Variants in HMG20B observed in about 807,000 individuals in gnomAD.
The protein encoded by HMG20B is high mobility group 20B.
A neutral mutation model predicts 41.6 loss-of-function variants in HMG20B; 24 were observed. The observed-to-expected ratio is 0.58, with a 90% confidence interval of 0.42 to 0.81. HMG20B has a LOEUF of 0.81. HMG20B is among the 30% of genes least tolerant of loss of function. HMG20B has a pLI of 0.00. For missense variants in HMG20B, 461 were observed against 444.0 expected (o/e 1.04, Z -0.34); for synonymous variants, 251 against 186.6 (o/e 1.34, Z -2.81).
Position 3,573,741 on chromosome 19 carries a change from G to T in HMG20B, c.88G>T (p.Val30Phe). The T allele has an allele frequency of 6.5e-7, 1 of 1,545,826 alleles. No homozygotes were observed. The highest frequency in any genetic ancestry group is 8.7e-7 in the Non-Finnish European group (1 of 1,150,402). Residue 30 changes from valine to phenylalanine, a missense_variant, in exon 3 of 10, where the codon GTC (valine) becomes TTC (phenylalanine). Transcript: ENST00000333651. ...CCAGCATGGGGGCTTCGTGGTGACT[G>T]TCAAGCAAGAGCGCGGCGAGGGTCC... is the stretch of plus-strand genomic sequence containing the variant. ...PGQHGGFVVT[V>F]KQERGEGPRA...
At chr19:3,574,362 C>A in intron 3 of HMG20B, 21 bp from the exon 4 acceptor site, 2 of 1,542,814 alleles carry the variant, frequency 1.3e-6, no homozygotes, top group South Asian at 1.2e-5. Flanking sequence ...CCCCTCCCAA[C>A]GACGCAGCCC....
rs893041453 is a variant in HMG20B at position 3,573,840 on chromosome 19, C to T, written c.147+40C>T. The T allele has an allele frequency of 3.9e-6, 6 of 1,527,388 alleles. No homozygotes were observed. In the Admixed American group the frequency reaches 5.5e-5, roughly 14 times the overall value. 94.6% of individuals were successfully genotyped at this position (1,527,388 alleles called of 1,614,324 possible). On this transcript the variant is annotated intron_variant, in intron 3 of 9. Coordinates refer to ENST00000333651, the MANE Select transcript of HMG20B (RefSeq NM_006339.3). ...GCTGAGCTGGGGGAGGCCCCGGGCT[C>T]CCGCCCCAGCCTCGAAGCCCCGCCC...
Position 3,573,338 on chromosome 19 carries a change from C to G in HMG20B, c.29C>G (p.Ala10Gly), listed in dbSNP as rs775718629. 1 of 1,536,146 alleles carries G rather than the reference C, an allele frequency of 6.5e-7. No homozygotes were observed. The highest frequency in any genetic ancestry group is 1.4e-5 in the African/African-American group (1 of 71,852). MSHGPKQPG[A>G]AAAPAGGKAP... is the part of the protein sequence containing the mutation. ...TCCCACGGCCCCAAGCAGCCCGGCGCGGCCGCCGCGTGAGTGCACTGATCC... is the reference window on the plus strand; with the variant it reads ...TCCCACGGCCCCAAGCAGCCCGGCGGGGCCGCCGCGTGAGTGCACTGATCC... The change falls in exon 2 of 10, where the codon GCG becomes GGG. Residue 10 changes from alanine (A) to glycine (G), a missense_variant. By Grantham distance (60) the Ala-to-Gly change is moderately conservative (BLOSUM62 0). Coordinates refer to ENST00000333651, the MANE Select transcript of HMG20B (RefSeq NM_006339.3).
At position 3,577,039 on chromosome 19, in the gene HMG20B, C is replaced by A. The variant is rs1046228927; in HGVS notation, c.740C>A (p.Ala247Glu). ...ELALEERRTL[A>E]LQQQLQAVRQ... ...GCGCTGGAGGAGCGGAGGACGCTGG[C>A]GCTGCAGCAGCAGCTCCAGGCCGTG... is the stretch of plus-strand genomic sequence containing the variant. The change falls in exon 8 of 10, where the codon GCG (alanine) becomes GAG (glutamate). Residue 247 changes from alanine (A) to glutamate (E), a missense_variant. By Grantham distance (107) the Ala-to-Glu change is moderately radical (BLOSUM62 -1). Coordinates refer to ENST00000333651, the MANE Select transcript of HMG20B (RefSeq NM_006339.3). 6.5e-7 allele frequency: 1 copy of A among 1,548,970 alleles called. No homozygotes were observed. The highest frequency in any genetic ancestry group is 8.7e-7 in the Non-Finnish European group (1 of 1,147,458).
chr19:3,578,278 G>C, intron 9 of HMG20B, 165 bp downstream of exon 9: 2 of 1,159,592 alleles, frequency 1.7e-6, no homozygotes, highest in Admixed American at 5.6e-5. Flanking sequence ...CCAGTGCTAG[G>C]ATGGCCATGG....
Position 3,578,650 on chromosome 19 carries a change from C to T in HMG20B, c.*129C>T, listed in dbSNP as rs1020008316. 5.1e-5 allele frequency: 63 copies of T among 1,225,552 alleles called. No homozygotes were observed. The highest frequency in any genetic ancestry group is 6.9e-5 in the Non-Finnish European group (59 of 851,550). 75.9% of individuals were successfully genotyped at this position (1,225,552 alleles called of 1,614,324 possible). A position where few individuals can be genotyped will look rare whatever the true frequency, so the allele number is the denominator to read the frequency against. ...CCATCCTGCACCTTGGGGGCTCCAG[C>T]CCCCCTAAAATTAAATTTCTGCAGC... is the stretch of plus-strand genomic sequence containing the variant. On this transcript the variant is annotated 3_prime_UTR_variant, in exon 10 of 10. Coordinates refer to ENST00000333651, the MANE Select transcript of HMG20B (RefSeq NM_006339.3).
At chr19:3,576,342 G>T (rs1269018287) in intron 6 of HMG20B, 35 bp downstream of exon 6, 1 of 1,606,378 alleles carries the variant, frequency 6.2e-7, no homozygotes, top group Admixed American at 1.7e-5. Context: ...GCACCTGGGG[G>T]AGAAAGGTCT....
Position 3,576,953 on chromosome 19 carries a change from G to C in HMG20B, c.654G>C (p.Ala218=). 6.3e-7 allele frequency: 1 copy of C among 1,582,854 alleles called. No homozygotes were observed. The highest frequency in any genetic ancestry group is 8.6e-7 in the Non-Finnish European group (1 of 1,166,016). The change falls in exon 8 of 10, where the codon GCG becomes GCC. Residue 218 remains alanine (A), a synonymous_variant. Coordinates refer to ENST00000333651, the MANE Select transcript of HMG20B (RefSeq NM_006339.3). ...ATGTGGCCTTCGAGGAGCAGAACGC[G>C]GTACTGCAGAGGCACACGCAGAGCA... The part of the protein sequence containing the change: ...KMNVAFEEQN[A]VLQRHTQSMS...
At position 3,576,975 on chromosome 19, in the gene HMG20B, A is replaced by G; in HGVS notation, c.676A>G (p.Ser226Gly). The G allele has an allele frequency of 6.3e-7, 1 of 1,575,388 alleles. No individual in the cohort carries two copies. The highest frequency in any genetic ancestry group is 1.2e-5 in the South Asian group (1 of 85,846). The change falls in exon 8 of 10, where the codon AGC becomes GGC. Residue 226 changes from serine (S) to glycine (G), a missense_variant. Coordinates refer to ENST00000333651, the MANE Select transcript of HMG20B (RefSeq NM_006339.3). ...CGCGGTACTGCAGAGGCACACGCAG[A>G]GCATGAGCAGCGCGCGCGAGCGTCT... ...QNAVLQRHTQ[S>G]MSSARERLEQ...
chr19:3,577,745 C>G (rs1042361865), intron 8 of HMG20B, among the ~76,000 whole-genome samples: 1 of 148,088 alleles, frequency 6.8e-6, no homozygotes, highest in Non-Finnish European at 1.5e-5. Context: ...CCGTGACTGT[C>G]CTCAGCGGAC....
intron 8 of HMG20B, among the ~76,000 whole-genome samples, chr19:3,577,559 C>A (rs188081528): frequency 0.01 from 1,449 of 141,690 alleles, 28 homozygotes; most frequent in African/African-American, 0.037. Context: ...TGAGCACTGA[C>A]CCAGCCTCCC....
intron 9 of HMG20B, 130 bp from the exon 10 acceptor site, chr19:3,578,379 C>T: frequency 7.5e-7 from 1 of 1,335,650 alleles, no homozygotes; most frequent in Admixed American, 2.9e-5. Context: ...TAGATAGGTT[C>T]AACGCCTGTC....
rs996092053 is a variant in HMG20B, at chr19:3,573,777, G to A, written c.124G>A (p.Glu42Lys). The change falls in exon 3 of 10, where the codon GAG (glutamate) becomes AAG (lysine). Residue 42 changes from glutamate (E) to lysine (K), a missense_variant. This residue lies in a region of HMG20B where 104 missense variants were observed against 76.5 expected (regional missense o/e 1.36). Transcript: ENST00000333651. Reference protein sequence around the residue: ...QERGEGPRAGEKGSHEEEPVK... With the variant: ...QERGEGPRAGKKGSHEEEPVK... ...GCGCGGCGAGGGTCCACGCGCGGGCGAGAAGGGGTCCCACGAGGAGGAGGT... is the reference window on the plus strand; with the variant it reads ...GCGCGGCGAGGGTCCACGCGCGGGCAAGAAGGGGTCCCACGAGGAGGAGGT... The A allele has an allele frequency of 1.9e-5, 30 of 1,578,062 alleles. No individual in the cohort carries two copies. The Admixed American group carries it at 2.3e-4, about 12-fold the overall frequency.
rs1486594938 is a variant in HMG20B, at chr19:3,578,649, G to GC, written c.*134dup. On this transcript the variant is annotated 3_prime_UTR_variant, in exon 10 of 10. Transcript: ENST00000333651. ...CCCATCCTGCACCTTGGGGGCTCCA[G>GC]CCCCCCTAAAATTAAATTTCTGCAG... 10 of 1,233,872 alleles carry GC rather than the reference G, an allele frequency of 8.1e-6. No individual in the cohort carries two copies. Among genetic ancestry groups the GC allele is most frequent in the South Asian group, 1.3e-5 (1 of 77,586 alleles). The allele number at this position is 1,233,872 out of a possible 1,614,324, so 76.4% of individuals were successfully genotyped here.
chr19:3,575,112 C>T (rs1427420816), intron 4 of HMG20B, among the ~76,000 whole-genome samples: 1 of 152,162 alleles, frequency 6.6e-6, no homozygotes, highest in Non-Finnish European at 1.5e-5. Context: ...CAGGATGGGG[C>T]CTGGATTTTT....
At chr19:3,576,701 C>G (rs1599856236) in intron 7 of HMG20B, 76 bp downstream of exon 7, 4 of 1,399,058 alleles carry the variant, frequency 2.9e-6, no homozygotes, top group Non-Finnish European at 4.0e-6. Flanking sequence ...AGGAGGGCCC[C>G]AAGACTGCAG....
rs532264932 is a variant in HMG20B at position 3,576,389 on chromosome 19, G to T, written c.519+82G>T. 51 of 1,468,944 alleles carry T rather than the reference G, an allele frequency of 3.5e-5. No homozygotes were observed. In the East Asian group the frequency reaches 1.1e-3, roughly 32 times the overall value. 91.0% of individuals were successfully genotyped at this position (1,468,944 alleles called of 1,614,324 possible). A position where few individuals can be genotyped will look rare whatever the true frequency, so the allele number is the denominator to read the frequency against. Reference sequence around the variant, plus strand: ...GAACCCTGAGTCAGAGCCAGTGCTCGCCCAGATGTGTGCAAGCAGGGGCGG... The same window carrying T: ...GAACCCTGAGTCAGAGCCAGTGCTCTCCCAGATGTGTGCAAGCAGGGGCGG... On this transcript the variant is annotated intron_variant, in intron 6 of 9. Coordinates refer to ENST00000333651, the MANE Select transcript of HMG20B (RefSeq NM_006339.3).
chr19:3,577,875 T>A (rs1332821538), intron 8 of HMG20B, 106 bp from the exon 9 acceptor site: 2 of 1,056,372 alleles, frequency 1.9e-6, no homozygotes, highest in Admixed American at 5.2e-5. Context: ...TCCGGACCTC[T>A]GAGCGCCCGC....
chr19:3,577,693 C>A (rs1478476168), intron 8 of HMG20B, among the ~76,000 whole-genome samples: 2 of 145,220 alleles, frequency 1.4e-5, no homozygotes, highest in Admixed American at 1.4e-4. Flanking sequence ...CGACCCCAGC[C>A]CCCCGGTGTC....
Sources: gnomAD v4.1 joint callset for allele counts (sites outside exome capture counted in the v4.1 genomes callset) on GRCh38, gnomAD v4.1.1 for gene constraint, gnomAD v4.1.1 regional missense constraint, MANE v1.5 for transcripts, NCBI Gene and HGNC (gene_info 2026-07-23, HGNC 2026-07-21) for gene names.